The following GPC3 variants were observed in gnomAD, a reference collection of about 807,000 sequenced individuals.
GPC3 encodes the protein glypican 3, also known as glypican-3.
In GPC3, 3 loss-of-function variants were observed where a neutral mutation model predicts 34.4. That is an observed-to-expected ratio of 0.09 (90% confidence interval 0.04 to 0.23). The LOEUF (loss-of-function observed/expected upper bound fraction) is 0.23, where lower values mean the gene tolerates loss of function less well. Ranked by LOEUF, GPC3 falls within the 10% of genes least tolerant of loss-of-function variation. The pLI is 1.00. For missense variants in GPC3, 351 were observed against 445.6 expected (o/e 0.79, Z 1.91); for synonymous variants, 177 against 174.0 (o/e 1.02, Z -0.13).
chrX:133,591,373 T>A (rs2069846103), intron 7 of GPC3, among the ~76,000 whole-genome samples: 1 of 111,699 alleles, frequency 9.0e-6, no homozygotes, highest in South Asian at 3.8e-4. Flanking sequence ...GCATATAGCC[T>A]GTCATTCCAA....
rs188153819 is a variant in GPC3 at position 133,825,323 on chromosome X, A to G, written c.338-71147T>C. ...TCCAGTTCTGCAGTAGCCTTGAAAA[A>G]TAACAGTCTGCATTCCTGGTGCAGC... On this transcript the variant is annotated intron_variant, in intron 2 of 7. Coordinates refer to ENST00000370818, the MANE Select transcript of GPC3 (RefSeq NM_004484.4). Among the ~76,000 whole-genome samples the G allele has an allele frequency of 9.4e-4, 105 of 112,101 alleles. 1 individual carries two copies. The highest frequency in any genetic ancestry group is 3.2e-3 in the African/African-American group (100 of 30,814).
chrX:133,571,617 G>A (rs185235052), intron 7 of GPC3, among the ~76,000 whole-genome samples: 2 of 111,675 alleles, frequency 1.8e-5, no homozygotes, highest in Admixed American at 9.5e-5. Flanking sequence ...TAACATATCC[G>A]GTCCCTATGG....
intron 2 of GPC3, among the ~76,000 whole-genome samples, chrX:133,951,136 T>G (rs1365904993): frequency 5.9e-5 from 6 of 102,227 alleles, no homozygotes; most frequent in African/African-American, 1.8e-4. Flanking sequence ...AGAGATACAA[T>G]TAGTAGATGC....
chrX:133,839,117 C>T (rs1248903027), intron 2 of GPC3, among the ~76,000 whole-genome samples: 1 of 111,766 alleles, frequency 8.9e-6, no homozygotes, highest in Non-Finnish European at 1.9e-5. Flanking sequence ...TGTCCATATA[C>T]AAAAACACTA....
intron 2 of GPC3, among the ~76,000 whole-genome samples, chrX:133,784,395 T>C (rs1300716541): frequency 9.0e-6 from 1 of 111,294 alleles, no homozygotes; most frequent in Non-Finnish European, 1.9e-5. Context: ...CCAAACTGGG[T>C]CTCCTACTTT....
intron 5 of GPC3, among the ~76,000 whole-genome samples, chrX:133,687,085 C>T (rs1372494378): frequency 1.0e-5 from 1 of 96,942 alleles, no homozygotes; most frequent in Admixed American, 1.1e-4. Context: ...GCCACCATGG[C>T]CGGCTAATTT....
chrX:133,728,680 A>G (rs1282635289), intron 3 of GPC3, among the ~76,000 whole-genome samples: 1 of 112,557 alleles, frequency 8.9e-6, no homozygotes, highest in Non-Finnish European at 1.9e-5. Context: ...TTTTGTGGCT[A>G]TGAATCCAAT....
At chrX:133,898,745 A>G (rs1192972069) in intron 2 of GPC3, among the ~76,000 whole-genome samples, 4 of 112,145 alleles carry the variant, frequency 3.6e-5, no homozygotes, top group African/African-American at 6.5e-5. Context: ...TGCTAAGTGC[A>G]TAAGCCTGTT....
intron 4 of GPC3, among the ~76,000 whole-genome samples, chrX:133,698,889 C>G (rs1275282966): frequency 1.8e-5 from 2 of 112,014 alleles, no homozygotes; most frequent in Non-Finnish European, 3.8e-5. Context: ...ATCAGATACT[C>G]TCCTGTTGTT....
intron 2 of GPC3, among the ~76,000 whole-genome samples, chrX:133,951,816 C>T (rs951291068): frequency 9.8e-5 from 11 of 111,724 alleles, no homozygotes; most frequent in Non-Finnish European, 1.7e-4. Flanking sequence ...TGAATGTAGG[C>T]TTTATTAACT....
chrX:133,697,926 G>A (rs776858560), intron 4 of GPC3, among the ~76,000 whole-genome samples: 13 of 111,737 alleles, frequency 1.2e-4, no homozygotes, highest in Non-Finnish European at 5.6e-5. Context: ...AAGTCAGAGG[G>A]GAAGGAGAGG....
chrX:133,716,711 T>C (rs2071317108), intron 3 of GPC3, among the ~76,000 whole-genome samples: 1 of 110,940 alleles, frequency 9.0e-6, no homozygotes, highest in African/African-American at 3.3e-5. Context: ...CCAACATACA[T>C]ATAATGGAAG....
chrX:133,765,899 C>T (rs1007903425), intron 2 of GPC3, among the ~76,000 whole-genome samples: 4 of 111,802 alleles, frequency 3.6e-5, no homozygotes, highest in Admixed American at 2.8e-4. Flanking sequence ...AACATTTATA[C>T]ACATACCCCC....
chrX:133,693,803 G>A (rs928172903), intron 4 of GPC3, among the ~76,000 whole-genome samples: 2 of 111,882 alleles, frequency 1.8e-5, no homozygotes, highest in Admixed American at 1.9e-4. Flanking sequence ...CAAAACTCAT[G>A]TGGAGGTGTG....
chrX:133,657,617 G>A (rs1274854018), intron 6 of GPC3, among the ~76,000 whole-genome samples: 1 of 111,662 alleles, frequency 9.0e-6, no homozygotes, highest in Non-Finnish European at 1.9e-5. Context: ...TTGGAAGGAG[G>A]AGGGGAGAAC....
chrX:133,920,197 C>T (rs1208986032), intron 2 of GPC3, among the ~76,000 whole-genome samples: 2 of 109,494 alleles, frequency 1.8e-5, no homozygotes, highest in African/African-American at 6.6e-5. Context: ...ACTGAAATTC[C>T]TAGAAAGGAG....
chrX:133,567,610 G>C (rs899816677), intron 7 of GPC3, among the ~76,000 whole-genome samples: 1 of 111,453 alleles, frequency 9.0e-6, no homozygotes, highest in Non-Finnish European at 1.9e-5. Context: ...AAAATCTATC[G>C]ACCAGTCCCT....
At chrX:133,903,457 C>T (rs1285184974) in intron 2 of GPC3, among the ~76,000 whole-genome samples, 3 of 110,009 alleles carry the variant, frequency 2.7e-5, no homozygotes, top group African/African-American at 9.9e-5. Context: ...GGCGCAGTGG[C>T]GTGCACCTGT....
At chrX:133,952,719 G>A (rs2076398489) in intron 2 of GPC3, among the ~76,000 whole-genome samples, 1 of 112,311 alleles carries the variant, frequency 8.9e-6, no homozygotes, top group Admixed American at 9.4e-5. Flanking sequence ...GGAGAAAACT[G>A]GGCTCAGTAT....
Sources: gnomAD v4.1 joint callset for allele counts (sites outside exome capture counted in the v4.1 genomes callset) on GRCh38, gnomAD v4.1.1 for gene constraint, MANE v1.5 for transcripts, NCBI Gene and HGNC (gene_info 2026-07-23, HGNC 2026-07-21) for gene names.